PARD3B: variants seen among roughly 807,000 people sequenced by gnomAD.
PARD3B encodes the protein partitioning defective 3 homolog B.
Under a neutral mutation model 130.2 loss-of-function variants are expected in PARD3B, and 103 were observed. The ratio of observed to expected loss-of-function variants is 0.79; its 90% confidence interval spans 0.67 to 0.93. The LOEUF (loss-of-function observed/expected upper bound fraction) is 0.93. PARD3B is among the 40% of genes least tolerant of loss of function. The probability of loss-of-function intolerance (pLI) is 0.00; values close to 1 mark genes in which losing one functional copy is unlikely to be tolerated. For synonymous variants in PARD3B, 583 were observed against 553.2 expected, an observed-to-expected ratio of 1.05 and a Z score of -0.76; for missense variants, 1,609 against 1,499.2, an observed-to-expected ratio of 1.07 and a Z score of -1.21.
At chr2:205,186,591 G>A (rs2036114625) in intron 14 of PARD3B, among the ~76,000 whole-genome samples, 1 of 152,100 alleles carries the variant, frequency 6.6e-6, no homozygotes, top group African/African-American at 2.4e-5. Flanking sequence ...TTTTCTTGCA[G>A]CAATGCTAGT....
chr2:204,809,598 A>G (rs756356139), intron 2 of PARD3B, among the ~76,000 whole-genome samples: 12 of 152,112 alleles, frequency 7.9e-5, no homozygotes, highest in Non-Finnish European at 1.8e-4. Context: ...CCATTGGTCT[A>G]TGTGCCTGTT....
intron 16 of PARD3B, among the ~76,000 whole-genome samples, chr2:205,249,538 A>G (rs1174936601): frequency 6.6e-6 from 1 of 152,162 alleles, no homozygotes; most frequent in Non-Finnish European, 1.5e-5. Context: ...GATCCAATCA[A>G]AGGCCCAGGT....
At chr2:204,604,300 A>AT (rs774814422) in intron 1 of PARD3B, among the ~76,000 whole-genome samples, 12 of 152,156 alleles carry the variant, frequency 7.9e-5, no homozygotes, top group Non-Finnish European at 1.8e-4. Context: ...TGTTCTGTAC[A>AT]TTCCATTCTG....
intron 1 of PARD3B, among the ~76,000 whole-genome samples, chr2:204,590,232 C>G (rs1482808938): frequency 2.0e-5 from 3 of 152,198 alleles, no homozygotes; most frequent in Non-Finnish European, 4.4e-5. Context: ...GAAGGTAGCT[C>G]TCTCCTGTCT....
At position 204,967,343 on chromosome 2, in the gene PARD3B, T is replaced by C. The variant is rs1559309390; in HGVS notation, c.394+2020T>C. On this transcript the variant is annotated intron_variant, in intron 3 of 22. Coordinates refer to ENST00000406610, the MANE Select transcript of PARD3B (RefSeq NM_001302769.2). This position sits in a 1 kb window ranked among gnomAD's most constrained non-coding sequence, Gnocchi z 4.4. ...CAGCCACCACAGCAGGCCAGAGCTT[T>C]GCCATCAATTAGACTATTGCAGAGG... Among the ~76,000 whole-genome samples, 1 of 152,334 alleles carries C rather than the reference T, an allele frequency of 6.6e-6. No individual in the cohort carries two copies. The highest frequency in any genetic ancestry group is 1.9e-4 in the East Asian group (1 of 5,178).
chr2:205,035,926 C>CTATATATATA (rs200017661), intron 3 of PARD3B, among the ~76,000 whole-genome samples: 1 of 126,084 alleles, frequency 7.9e-6, no homozygotes, highest in African/African-American at 3.0e-5. Flanking sequence ...TCTGACTCCA[C>CTATATATATA]TATATATATA....
In PARD3B at chr2:205,530,113, G is replaced by A. The variant is rs1253880795; in HGVS notation, c.3181-23211G>A. Among the ~76,000 whole-genome samples the A allele has an allele frequency of 6.6e-6, 1 of 152,196 alleles. No homozygotes were observed. Among genetic ancestry groups the A allele is most frequent in the Non-Finnish European group, 1.5e-5 (1 of 68,042 alleles). On this transcript the variant is annotated intron_variant, in intron 21 of 22. Coordinates refer to ENST00000406610, the MANE Select transcript of PARD3B (RefSeq NM_001302769.2). This position sits in a 1 kb window ranked among gnomAD's most constrained non-coding sequence, Gnocchi z 4.7. Reference sequence around the variant, plus strand: ...CATTCCCACCACAAGATGCAAAAGAGTGGCACACAGGAGCATGTGGAAAGG... The same window carrying A: ...CATTCCCACCACAAGATGCAAAAGAATGGCACACAGGAGCATGTGGAAAGG...
At chr2:204,597,466 A>T (rs571736961) in intron 1 of PARD3B, among the ~76,000 whole-genome samples, 1 of 152,214 alleles carries the variant, frequency 6.6e-6, no homozygotes, top group South Asian at 2.1e-4. Flanking sequence ...TTAAGTGTCA[A>T]TGTAGCCTAG....
chr2:205,221,897 A>T (rs190816897), intron 15 of PARD3B, among the ~76,000 whole-genome samples: 3 of 152,264 alleles, frequency 2.0e-5, no homozygotes, highest in South Asian at 4.1e-4. Context: ...AATTATTTTT[A>T]AAAACATTAT....
At chr2:205,329,434 G>C (rs993289449) in intron 18 of PARD3B, among the ~76,000 whole-genome samples, 8 of 152,136 alleles carry the variant, frequency 5.3e-5, no homozygotes, top group African/African-American at 1.9e-4. Flanking sequence ...CATTCGACTA[G>C]CTTCTTAGCT....
chr2:204,899,395 G>A (rs1321661906), intron 2 of PARD3B, among the ~76,000 whole-genome samples: 1 of 151,758 alleles, frequency 6.6e-6, no homozygotes, highest in Non-Finnish European at 1.5e-5. Flanking sequence ...TATGTTTTCT[G>A]ATTTGAGGTT....
intron 3 of PARD3B, among the ~76,000 whole-genome samples, chr2:204,979,204 T>G (rs112913277): frequency 0.23 from 33,232 of 141,924 alleles, 4,436 homozygotes; most frequent in East Asian, 0.63. Flanking sequence ...AGACTCTGTC[T>G]CAAAAAAAAA....
At chr2:205,538,177 A>T (rs894763218) in intron 21 of PARD3B, among the ~76,000 whole-genome samples, 2 of 152,236 alleles carry the variant, frequency 1.3e-5, no homozygotes, top group Non-Finnish European at 2.9e-5. Flanking sequence ...CCATCTCCTT[A>T]TAACAGTCTA....
At chr2:205,574,642 G>T (rs998735325) in intron 22 of PARD3B, among the ~76,000 whole-genome samples, 6 of 152,046 alleles carry the variant, frequency 3.9e-5, no homozygotes, top group African/African-American at 1.4e-4. Context: ...CTCCAGTGGG[G>T]GGGCAACTTC....
Position 204,907,787 on chromosome 2 carries a change from C to T in PARD3B, c.223-57365C>T, listed in dbSNP as rs1268038344. ...TGCAATCTTGGCTCACTGCAACCTCCGCCTCCCAGGGTCAAGCAATTCCCC... is the reference window on the plus strand; with the variant it reads ...TGCAATCTTGGCTCACTGCAACCTCTGCCTCCCAGGGTCAAGCAATTCCCC... On this transcript the variant is annotated intron_variant, in intron 2 of 22. Transcript: ENST00000406610. This position sits in a 1 kb window ranked among gnomAD's most constrained non-coding sequence, Gnocchi z 5.7. Among the ~76,000 whole-genome samples the T allele has an allele frequency of 6.6e-6, 1 of 151,334 alleles. No individual in the cohort carries two copies. Among genetic ancestry groups the T allele is most frequent in the Non-Finnish European group, 1.5e-5 (1 of 68,002 alleles).
At chr2:205,390,696 G>C (rs2045826516) in intron 18 of PARD3B, among the ~76,000 whole-genome samples, 1 of 151,940 alleles carries the variant, frequency 6.6e-6, no homozygotes, top group Non-Finnish European at 1.5e-5. Context: ...CAGGATTCCT[G>C]TTAAAATGGT....
intron 2 of PARD3B, among the ~76,000 whole-genome samples, chr2:204,749,825 C>T (rs577312519): frequency 2.0e-5 from 3 of 152,226 alleles, no homozygotes; most frequent in East Asian, 1.9e-4. Context: ...TCCAGCTGAT[C>T]GCCTCATACG....
At chr2:204,631,507 C>G (rs941173697) in intron 1 of PARD3B, among the ~76,000 whole-genome samples, 12 of 152,158 alleles carry the variant, frequency 7.9e-5, no homozygotes, top group African/African-American at 2.9e-4. Flanking sequence ...TTCAGCCTCC[C>G]AAAGTGCGGG....
At chr2:205,551,824 G>C (rs1451997853) in intron 21 of PARD3B, among the ~76,000 whole-genome samples, 3 of 152,234 alleles carry the variant, frequency 2.0e-5, no homozygotes, top group African/African-American at 7.2e-5. Context: ...TTTCCCTACT[G>C]ACCTTGACAC....
Sources: gnomAD v4.1 joint callset for allele counts (sites outside exome capture counted in the v4.1 genomes callset) on GRCh38, gnomAD v4.1.1 for gene constraint, Gnocchi (gnomAD v3.1) non-coding constraint, MANE v1.5 for transcripts, NCBI Gene and HGNC (gene_info 2026-07-23, HGNC 2026-07-21) for gene names.